APBA2: variants seen among roughly 807,000 people sequenced by gnomAD.
The protein encoded by APBA2 is amyloid beta precursor protein binding family A member 2.
Under a neutral mutation model 75.0 loss-of-function variants are expected in APBA2, and 30 were observed. That is an observed-to-expected ratio of 0.40 (90% confidence interval 0.30 to 0.54). The LOEUF (loss-of-function observed/expected upper bound fraction) is 0.54. APBA2 is among the 20% of genes least tolerant of loss of function. The pLI is 0.49. For synonymous variants in APBA2, 444 were observed against 409.6 expected, an observed-to-expected ratio of 1.08 and a Z score of -1.01; for missense variants, 801 against 1,016.1, an observed-to-expected ratio of 0.79 and a Z score of 2.88.
chr15:28,960,361 G>T (rs2036401018), intron 2 of APBA2, among the ~76,000 whole-genome samples: 1 of 151,846 alleles, frequency 6.6e-6, no homozygotes, highest in South Asian at 2.1e-4. Flanking sequence ...CTACTTAGAG[G>T]CTGAGGCAGG....
At chr15:29,071,128 C>T in intron 4 of APBA2, 2 of 449,148 alleles carry the variant, frequency 4.5e-6, no homozygotes, top group Non-Finnish European at 8.9e-6. Context: ...GGTGTTGTTT[C>T]ATCCAAAGCA....
intron 3 of APBA2, among the ~76,000 whole-genome samples, chr15:29,027,073 C>T (rs928910112): frequency 7.9e-5 from 12 of 152,106 alleles, no homozygotes; most frequent in South Asian, 2.1e-4. Flanking sequence ...TTGGTCATGA[C>T]GTGTTAGTTT....
chr15:28,997,431 A>G (rs2038588828), intron 3 of APBA2, among the ~76,000 whole-genome samples: 1 of 152,188 alleles, frequency 6.6e-6, no homozygotes, highest in Non-Finnish European at 1.5e-5. Flanking sequence ...AGGGTTGTAA[A>G]CATACTTCAG....
chr15:28,997,845 C>G (rs980353051), intron 3 of APBA2, among the ~76,000 whole-genome samples: 7 of 152,186 alleles, frequency 4.6e-5, no homozygotes, highest in African/African-American at 1.7e-4. Flanking sequence ...GTGCTGGGCT[C>G]TCTTCCCAAT....
chr15:29,107,285 A>T (rs1272690358), intron 12 of APBA2, among the ~76,000 whole-genome samples: 1 of 151,960 alleles, frequency 6.6e-6, no homozygotes, highest in African/African-American at 2.4e-5. Flanking sequence ...TGACCGTCAG[A>T]CTCGTGAGCT....
chr15:29,100,704 C>T (rs143275234), intron 9 of APBA2, among the ~76,000 whole-genome samples: 78 of 152,344 alleles, frequency 5.1e-4, no homozygotes, highest in African/African-American at 1.8e-3. Flanking sequence ...ATGCTTTCCT[C>T]TTCTGCACAG....
chr15:28,951,867 C>A (rs1026943064), intron 2 of APBA2, among the ~76,000 whole-genome samples: 1 of 20 alleles, frequency 0.05, no homozygotes, highest in African/African-American at 0.17. Flanking sequence ...AGGCGTGAGC[C>A]CACTGCACTC....
rs1476468886 is a variant in APBA2 at position 29,054,059 on chromosome 15, G to C, written c.175G>C (p.Glu59Gln). Residue 59 changes from glutamate (E) to glutamine (Q), a missense_variant, in exon 4 of 15, where the codon GAG becomes CAG. Transcript: ENST00000683413. This position sits in a 1 kb window ranked among gnomAD's most constrained non-coding sequence, Gnocchi z 6.1. ...CCTGCGGCCAGAGAGCCCCGCGCCA[G>C]AGGAACAGGAGTGCCACAACCACAG... ...AALRPESPAP[E>Q]EQECHNHSPD... is the part of the protein sequence containing the mutation. 1.2e-6 allele frequency: 2 copies of C among 1,613,896 alleles called. No homozygotes were observed. The highest frequency in any genetic ancestry group is 2.2e-5 in the South Asian group (2 of 91,078).
At chr15:29,108,556 C>T (rs1490163460) in intron 13 of APBA2, 167 bp downstream of exon 13, 1 of 1,061,206 alleles carries the variant, frequency 9.4e-7, no homozygotes, top group East Asian at 2.6e-5. Context: ...TTCCATGGCT[C>T]TCTGGGAGGT....
intron 1 of APBA2, among the ~76,000 whole-genome samples, chr15:28,890,167 C>T (rs568059285): frequency 2.6e-5 from 4 of 152,334 alleles, no homozygotes; most frequent in African/African-American, 9.6e-5. Flanking sequence ...AGCACAGACC[C>T]TCACTCAGTG....
At chr15:29,094,247 C>T in intron 7 of APBA2, 31 bp from the exon 8 acceptor site, 1 of 1,613,838 alleles carries the variant, frequency 6.2e-7, no homozygotes, top group Non-Finnish European at 8.5e-7. Flanking sequence ...TCTGTGCCAA[C>T]TTGTTTTTCT....
At chr15:28,906,813 T>C (rs1338952820) in intron 1 of APBA2, among the ~76,000 whole-genome samples, 2 of 152,232 alleles carry the variant, frequency 1.3e-5, no homozygotes, top group Non-Finnish European at 2.9e-5. Context: ...CTCTTTTTCA[T>C]CCTTGCCTCT....
chr15:28,945,513 G>A (rs2035494855), intron 2 of APBA2, among the ~76,000 whole-genome samples: 2 of 142,002 alleles, frequency 1.4e-5, no homozygotes, highest in Admixed American at 6.9e-5. Context: ...CAGGATCCCC[G>A]CTCATTGATT....
intron 2 of APBA2, among the ~76,000 whole-genome samples, chr15:28,979,387 G>T (rs1184505279): frequency 1.3e-5 from 2 of 152,222 alleles, no homozygotes; most frequent in Non-Finnish European, 2.9e-5. Flanking sequence ...TGTGTTTTGA[G>T]CCAATGTGTG....
intron 2 of APBA2, among the ~76,000 whole-genome samples, chr15:28,987,304 A>G (rs1308770993): frequency 1.3e-5 from 2 of 152,194 alleles, no homozygotes; most frequent in Admixed American, 6.5e-5. Flanking sequence ...TATCTCACAC[A>G]TAGTCTGTGG....
At chr15:29,085,033 T>C (rs1472211484) in intron 6 of APBA2, among the ~76,000 whole-genome samples, 36 of 152,222 alleles carry the variant, frequency 2.4e-4, no homozygotes, top group Non-Finnish European at 5.9e-5. Context: ...CAACCATTAA[T>C]GATCATTGTC....
At chr15:28,904,691 G>C (rs1354982317) in intron 1 of APBA2, among the ~76,000 whole-genome samples, 3 of 152,166 alleles carry the variant, frequency 2.0e-5, no homozygotes, top group South Asian at 4.1e-4. Context: ...GCAGCACGCA[G>C]ACTCCCTGTG....
intron 1 of APBA2, among the ~76,000 whole-genome samples, chr15:28,896,015 AG>A (rs2032460869): frequency 6.6e-6 from 1 of 152,136 alleles, no homozygotes; most frequent in Admixed American, 6.5e-5. Flanking sequence ...CGGGAGGCTG[AG>A]GTGGGAGGAT....
chr15:29,071,609 G>A (rs982010181), intron 4 of APBA2, among the ~76,000 whole-genome samples: 2 of 145,094 alleles, frequency 1.4e-5, no homozygotes, highest in Admixed American at 7.0e-5. Context: ...TAGGATGCCT[G>A]GAGCCCCAAA....
Sources: gnomAD v4.1 joint callset for allele counts (sites outside exome capture counted in the v4.1 genomes callset) on GRCh38, gnomAD v4.1.1 for gene constraint, Gnocchi (gnomAD v3.1) non-coding constraint, MANE v1.5 for transcripts, NCBI Gene and HGNC (gene_info 2026-07-23, HGNC 2026-07-21) for gene names.